HEATR1: variants seen among roughly 807,000 people sequenced by gnomAD.
The protein encoded by HEATR1 is HEAT repeat-containing protein 1.
HEATR1 carries 77 observed loss-of-function variants against 248.2 expected under a neutral mutation model. That is an observed-to-expected ratio of 0.31 (90% CI 0.26 to 0.37). The LOEUF (loss-of-function observed/expected upper bound fraction) is 0.37, where lower values mean the gene tolerates loss of function less well. HEATR1 is among the 10% of genes least tolerant of loss of function. The probability of loss-of-function intolerance (pLI) is 1.00; values close to 1 mark genes in which losing one functional copy is unlikely to be tolerated. For missense variants in HEATR1, 2,420 were observed against 2,504.9 expected, an observed-to-expected ratio of 0.97 and a Z score of 0.72; for synonymous variants, 897 against 923.1, an observed-to-expected ratio of 0.97 and a Z score of 0.51.
chr1:236,589,428 TTTG>T (rs1204851986), intron 12 of HEATR1, among the ~76,000 whole-genome samples: 2 of 152,178 alleles, frequency 1.3e-5, no homozygotes, highest in African/African-American at 4.8e-5. Flanking sequence ...CTAAATGTTG[TTTG>T]TTGTTTATAT....
At chr1:236,573,395 C>T (rs1297297258) in intron 24 of HEATR1, among the ~76,000 whole-genome samples, 1 of 152,148 alleles carries the variant, frequency 6.6e-6, no homozygotes, top group Non-Finnish European at 1.5e-5. Context: ...GGGGTGGGAT[C>T]CAGATATCTC....
Position 236,558,373 on chromosome 1 carries a change from C to G in HEATR1, c.5068G>C (p.Val1690Leu). 1 of 1,614,162 alleles carries G rather than the reference C, an allele frequency of 6.2e-7. No homozygotes were observed. Among genetic ancestry groups the G allele is most frequent in the Admixed American group, 1.7e-5 (1 of 60,030 alleles). The change falls in exon 36 of 45, where the codon GTC becomes CTC. Residue 1690 changes from valine (V) to leucine (L), a missense_variant. Coordinates refer to ENST00000366582, the MANE Select transcript of HEATR1 (RefSeq NM_018072.6). Reference sequence around the variant, plus strand: ...TTCACAGCAGTGTTCAGCACTGGGACAAAAGGATCTGGATTTTCTGCACCA... The same window carrying G: ...TTCACAGCAGTGTTCAGCACTGGGAGAAAAGGATCTGGATTTTCTGCACCA... ...NFGAENPDPF[V>L]PVLNTAVKLI...
intron 20 of HEATR1, 74 bp from the exon 21 acceptor site, chr1:236,577,023 A>T: frequency 1.1e-5 from 12 of 1,128,430 alleles, no homozygotes; most frequent in Non-Finnish European, 1.5e-5. Flanking sequence ...CATAGTACCA[A>T]AGGTACTTGA....
chr1:236,574,331 A>G lies in HEATR1; in HGVS notation c.3330T>C (p.Ile1110=), dbSNP rs777283123. Residue 1110 remains isoleucine, a splice_region_variant and synonymous_variant, in exon 24 of 45, where the codon ATT becomes ATC. Coordinates refer to ENST00000366582, the MANE Select transcript of HEATR1 (RefSeq NM_018072.6). ...ATATGGCTGCAAAAAATGGTTTTGT[A>G]ATCTAGAGGGGGTAGAAAAAAGGCA... ...PTIQITALEK[I]TKPFFAAISD... is the part of the protein sequence containing the mutation. 1 of 1,608,322 alleles carries G rather than the reference A, an allele frequency of 6.2e-7. No individual in the cohort carries two copies. Among genetic ancestry groups the G allele is most frequent in the African/African-American group, 1.3e-5 (1 of 74,682 alleles).
rs777898633 is a variant in HEATR1, at chr1:236,559,169, AAAAC to A, written c.4771-38_4771-35del. 2.0e-5 allele frequency: 30 copies of A among 1,512,942 alleles called. No homozygotes were observed. In the African/African-American group the frequency reaches 2.2e-4, roughly 11 times the overall value. 93.7% of individuals were successfully genotyped at this position (1,512,942 alleles called of 1,614,324 possible). On this transcript the variant is annotated intron_variant, in intron 34 of 44. Transcript: ENST00000366582. Reference sequence around the variant, plus strand: ...AAATTTTATATTTAACATGAAAAGAAAAACAAATTAAAAAAAAAACCAACTTCAA... The same window carrying A: ...AAATTTTATATTTAACATGAAAAGAAAAATTAAAAAAAAAACCAACTTCAA...
At position 236,550,488 on chromosome 1, in the gene HEATR1, AG is replaced by A. The variant is rs1438860711; in HGVS notation, c.*413del. On this transcript the variant is annotated 3_prime_UTR_variant, in exon 45 of 45. Coordinates refer to ENST00000366582, the MANE Select transcript of HEATR1 (RefSeq NM_018072.6). ...AAATAACTTCATTTTCTTGAAATAG[AG>A]CAACTTTGAGTGAAATCTGCAACAT... 1 of 158,600 alleles carries A rather than the reference AG, an allele frequency of 6.3e-6. No individual in the cohort carries two copies. The highest frequency in any genetic ancestry group is 2.4e-5 in the African/African-American group (1 of 41,696). 9.8% of individuals were successfully genotyped at this position (158,600 alleles called of 1,614,324 possible). A position where few individuals can be genotyped will look rare whatever the true frequency, so the allele number is the denominator to read the frequency against.
intron 13 of HEATR1, 83 bp downstream of exon 13, chr1:236,587,865 T>C: frequency 1.1e-6 from 1 of 930,310 alleles, no homozygotes; most frequent in South Asian, 1.7e-5. Flanking sequence ...CCAAAAATAT[T>C]CTAGTCTCAA....
At position 236,550,730 on chromosome 1, in the gene HEATR1, A is replaced by C; in HGVS notation, c.*172T>G. 1 of 555,190 alleles carries C rather than the reference A, an allele frequency of 1.8e-6. No homozygotes were observed. Among genetic ancestry groups the C allele is most frequent in the Non-Finnish European group, 3.2e-6 (1 of 316,756 alleles). The allele number at this position is 555,190 out of a possible 1,614,324, so 34.4% of individuals were successfully genotyped here. A position where few individuals can be genotyped will look rare whatever the true frequency, so the allele number is the denominator to read the frequency against. On this transcript the variant is annotated 3_prime_UTR_variant, in exon 45 of 45. Coordinates refer to ENST00000366582, the MANE Select transcript of HEATR1 (RefSeq NM_018072.6). ...TCTATACGATAGGCAGGAGAGGCTT[A>C]TGTGGCAGCACAAGCCAGGTGGGGA...
At chr1:236,601,743 C>G (rs923369803) in intron 3 of HEATR1, among the ~76,000 whole-genome samples, 5 of 149,656 alleles carry the variant, frequency 3.3e-5, no homozygotes, top group African/African-American at 1.2e-4. Context: ...TGGCTGAGAT[C>G]GGAGGATCAT....
intron 12 of HEATR1, among the ~76,000 whole-genome samples, chr1:236,589,497 A>C (rs570141419): frequency 6.6e-6 from 1 of 151,858 alleles, no homozygotes; most frequent in South Asian, 2.1e-4. Context: ...ATAAAACAAA[A>C]ATTTTTTTTT....
At chr1:236,585,746 G>A (rs745350499) in intron 16 of HEATR1, 74 bp downstream of exon 16, 15 of 1,493,318 alleles carry the variant, frequency 1.0e-5, no homozygotes, top group East Asian at 9.2e-5. Context: ...GAAAAATCTA[G>A]TAAAGCAAAA....
In HEATR1 at chr1:236,555,340, T is replaced by A. The variant is rs913131943; in HGVS notation, c.5879A>T (p.Lys1960Met). 2 of 1,614,220 alleles carry A rather than the reference T, an allele frequency of 1.2e-6. No individual in the cohort carries two copies. Among genetic ancestry groups the A allele is most frequent in the Middle Eastern group, 1.6e-4 (1 of 6,062 alleles). ...CTGGTTCAAGGTGTCAGCAAAAGGC[T>A]TCACTAAGTGGCCGGCAAACAGAGT... ...LFTLFAGHLVKPFADTLNQVN... is the reference protein window; with the variant it reads ...LFTLFAGHLVMPFADTLNQVN... Residue 1960 changes from lysine to methionine, a missense_variant, in exon 41 of 45, where the codon AAG becomes ATG. By Grantham distance (95) the Lys-to-Met change is moderately conservative (BLOSUM62 -1). Transcript: ENST00000366582.
rs1163561527 is a variant in HEATR1 at position 236,572,843 on chromosome 1, G to C, written c.3460-15C>G. 4 of 1,597,146 alleles carry C rather than the reference G, an allele frequency of 2.5e-6. No homozygotes were observed. In the South Asian group the frequency reaches 4.4e-5, roughly 18 times the overall value. The stretch of plus-strand genomic sequence containing the variant: ...TTAACGGAAATCTGAAATATTGAAG[G>C]AAGAAGAGTTGATGATATAATCCAT... On this transcript the variant is annotated splice_polypyrimidine_tract_variant and intron_variant, in intron 24 of 44. Coordinates refer to ENST00000366582, the MANE Select transcript of HEATR1 (RefSeq NM_018072.6).
At chr1:236,594,816 G>T (rs1414719986) in intron 8 of HEATR1, among the ~76,000 whole-genome samples, 2 of 151,870 alleles carry the variant, frequency 1.3e-5, no homozygotes, top group Non-Finnish European at 2.9e-5. Flanking sequence ...TATTATTTTT[G>T]AGATAGGGTC....
chr1:236,558,250 G>T lies in HEATR1; in HGVS notation c.5191C>A (p.Pro1731Thr). The T allele has an allele frequency of 1.2e-6, 2 of 1,611,904 alleles. No homozygotes were observed. Among genetic ancestry groups the T allele is most frequent in the Non-Finnish European group, 1.7e-6 (2 of 1,178,844 alleles). The stretch of plus-strand genomic sequence containing the variant: ...CCGGCCGCATACCTGGGAAGCTGGG[G>T]GATGGCCAGCGCCTCCAGGGTGGAG... ...VTSTLEALAI[P>T]QLPSLMPSLL... is the part of the protein sequence containing the mutation. The change falls in exon 36 of 45, where the codon CCC becomes ACC. Residue 1731 changes from proline to threonine, a missense_variant. Pro to Thr is a conservative substitution (Grantham distance 38, BLOSUM62 -1). Coordinates refer to ENST00000366582, the MANE Select transcript of HEATR1 (RefSeq NM_018072.6).
chr1:236,593,439 T>C (rs1664093363), intron 9 of HEATR1, among the ~76,000 whole-genome samples: 1 of 152,006 alleles, frequency 6.6e-6, no homozygotes, highest in African/African-American at 2.4e-5. Context: ...ACACAGGCAC[T>C]CTCTTGATCC....
intron 32 of HEATR1, among the ~76,000 whole-genome samples, chr1:236,562,059 T>A (rs73113087): frequency 6.6e-6 from 1 of 152,130 alleles, no homozygotes; most frequent in African/African-American, 2.4e-5. Flanking sequence ...AATCACACTG[T>A]CTGCCACTAC....
intron 4 of HEATR1, 28 bp from the exon 5 acceptor site, chr1:236,598,007 T>C (rs1252809746): frequency 2.1e-6 from 3 of 1,417,906 alleles, no homozygotes; most frequent in Non-Finnish European, 2.0e-6. Context: ...AACAAACTAC[T>C]AGCAACATTC....
chr1:236,581,465 G>A, intron 19 of HEATR1, 51 bp from the exon 20 acceptor site: 2 of 1,317,864 alleles, frequency 1.5e-6, no homozygotes, highest in South Asian at 1.6e-5. Flanking sequence ...CAAATAAGCT[G>A]GTTCCAAATC....
Sources: gnomAD v4.1 joint callset for allele counts (sites outside exome capture counted in the v4.1 genomes callset) on GRCh38, gnomAD v4.1.1 for gene constraint, MANE v1.5 for transcripts, NCBI Gene and HGNC (gene_info 2026-07-23, HGNC 2026-07-21) for gene names.